LYPD2: variants seen among roughly 807,000 people sequenced by gnomAD.
LYPD2 encodes LY6/PLAUR domain containing 2, also known as ly6/PLAUR domain-containing protein 2.
In LYPD2, 5 loss-of-function variants were observed where a neutral mutation model predicts 7.1. The ratio of observed to expected loss-of-function variants is 0.70; its 90% confidence interval spans 0.37 to 1.48. The LOEUF (loss-of-function observed/expected upper bound fraction) is 1.48. LYPD2 is among the 40% of genes most tolerant of loss of function. The pLI is 0.03. For missense variants in LYPD2, 177 were observed against 171.0 expected, an observed-to-expected ratio of 1.04 and a Z score of -0.20; for synonymous variants, 78 against 82.0, an observed-to-expected ratio of 0.95 and a Z score of 0.26.
Position 142,750,157 on chromosome 8 carries a change from C to T in LYPD2, c.*126G>A, listed in dbSNP as rs908700798. The T allele has an allele frequency of 7.4e-5, 57 of 767,856 alleles. No individual in the cohort carries two copies. The African/African-American group carries it at 7.8e-4, about 10-fold the overall frequency. The allele number at this position is 767,856 out of a possible 1,614,324, so 47.6% of individuals were successfully genotyped here. On this transcript the variant is annotated 3_prime_UTR_variant, in exon 3 of 3. Transcript: ENST00000359228. Reference sequence around the variant, plus strand: ...AGACACACAGGAACGGGGACATCGACGAGGTCAGAGATGCAGCAGGGCAGG... The same window carrying T: ...AGACACACAGGAACGGGGACATCGATGAGGTCAGAGATGCAGCAGGGCAGG...
chr8:142,750,991 C>T lies in LYPD2; in HGVS notation c.178+60G>A. ...CCTATCTCCTGGGAGTAGAGTGTGA[C>T]TGGGCTGGAGGTGGCTCTGACCGGG... On this transcript the variant is annotated intron_variant, in intron 2 of 2. Coordinates refer to ENST00000359228, the MANE Select transcript of LYPD2 (RefSeq NM_205545.3). 2.5e-6 allele frequency: 4 copies of T among 1,607,680 alleles called. No individual in the cohort carries two copies. In the Admixed American group the frequency reaches 5.0e-5, roughly 20 times the overall value.
chr8:142,750,495 G>A lies in LYPD2; in HGVS notation c.179-13C>T, dbSNP rs201101335. 719 of 1,568,692 alleles carry A rather than the reference G, an allele frequency of 4.6e-4. 2 individuals are homozygous for A. In the African/African-American group the frequency reaches 8.4e-3, roughly 18 times the overall value. ...TGGAAGGGGTACACTGTGGGGTGTG[G>A]GAAGAGTCAGCCGTCAGGGCTGGTC... On this transcript the variant is annotated splice_polypyrimidine_tract_variant and intron_variant, in intron 2 of 2. Coordinates refer to ENST00000359228, the MANE Select transcript of LYPD2 (RefSeq NM_205545.3).
chr8:142,750,357 C>T lies in LYPD2; in HGVS notation c.304G>A (p.Asp102Asn). The T allele has an allele frequency of 6.4e-7, 1 of 1,562,422 alleles. No homozygotes were observed. Among genetic ancestry groups the T allele is most frequent in the Non-Finnish European group, 8.7e-7 (1 of 1,153,340 alleles). Residue 102 changes from aspartate to asparagine, a missense_variant, in exon 3 of 3, where the codon GAC becomes AAC. Asp to Asn is a conservative substitution (Grantham distance 23). Coordinates refer to ENST00000359228, the MANE Select transcript of LYPD2 (RefSeq NM_205545.3). The part of the protein sequence containing the change: ...SCCNTELCNV[D>N]GAPALNSLHC... ...AGGCTGTTCAGAGCGGGCGCCCCGT[C>T]TACATTGCACAGCTCAGTATTGCAG...
In LYPD2 at chr8:142,750,275, C is replaced by CCGCTTGGGGCCTGGGGGGGGGGG; in HGVS notation, c.*7_*8insCCCCCCCCCCCAGGCCCCAAGCG. 7.3e-7 allele frequency: 1 copy of CCGCTTGGGGCCTGGGGGGGGGGG among 1,378,810 alleles called. No homozygotes were observed. Among genetic ancestry groups the CCGCTTGGGGCCTGGGGGGGGGGG allele is most frequent in the Non-Finnish European group, 9.8e-7 (1 of 1,024,380 alleles). The allele number at this position is 1,378,810 out of a possible 1,614,324, so 85.4% of individuals were successfully genotyped here. A position where few individuals can be genotyped will look rare whatever the true frequency, so the allele number is the denominator to read the frequency against. Reference sequence around the variant, plus strand: ...GGCCGCATAGGGCCATGGGGGTGGGCGGGGACTCTACAGTCGGAGGCTCAA... The same window carrying CCGCTTGGGGCCTGGGGGGGGGGG: ...GGCCGCATAGGGCCATGGGGGTGGGCCGCTTGGGGCCTGGGGGGGGGGGGGGGACTCTACAGTCGGAGGCTCAA... On this transcript the variant is annotated 3_prime_UTR_variant, in exon 3 of 3. Transcript: ENST00000359228.
intron 1 of LYPD2, among the ~76,000 whole-genome samples, chr8:142,751,629 C>T (rs587694618): frequency 6.6e-6 from 1 of 152,316 alleles, no homozygotes; most frequent in Non-Finnish European, 1.5e-5. Context: ...GTGTGCCAGG[C>T]TGCATCCGGG....
At position 142,750,465 on chromosome 8, in the gene LYPD2, C is replaced by A; in HGVS notation, c.196G>T (p.Asp66Tyr). The A allele has an allele frequency of 6.3e-7, 1 of 1,585,758 alleles. No homozygotes were observed. Among genetic ancestry groups the A allele is most frequent in the South Asian group, 1.2e-5 (1 of 86,636 alleles). The change falls in exon 3 of 3, where the codon GAC (aspartate) becomes TAC (tyrosine). Residue 66 changes from aspartate (D) to tyrosine (Y), a missense_variant. Physicochemically the swap from Asp to Tyr is radical, Grantham distance 160 (BLOSUM62 -3). Coordinates refer to ENST00000359228, the MANE Select transcript of LYPD2 (RefSeq NM_205545.3). ...SREIVYPFQG[D>Y]STVTKSCASK... ...GCACAGGACTTGGTCACCGTGGAGTCCCCCTGGAAGGGGTACACTGTGGGG... is the reference window on the plus strand; with the variant it reads ...GCACAGGACTTGGTCACCGTGGAGTACCCCTGGAAGGGGTACACTGTGGGG...
At position 142,750,587 on chromosome 8, in the gene LYPD2, CG is replaced by C. The variant is rs1053086841; in HGVS notation, c.179-106del. On this transcript the variant is annotated intron_variant, in intron 2 of 2. Coordinates refer to ENST00000359228, the MANE Select transcript of LYPD2 (RefSeq NM_205545.3). The stretch of plus-strand genomic sequence containing the variant: ...AGGCCCCACTCTGGGGTCACCCACC[CG>C]GGTCTCCGTCCCTCCTGGCCCAGTG... The C allele has an allele frequency of 2.7e-6, 3 of 1,125,174 alleles. No homozygotes were observed. In the African/African-American group the frequency reaches 4.6e-5, roughly 17 times the overall value. 69.7% of individuals were successfully genotyped at this position (1,125,174 alleles called of 1,614,324 possible). A position where few individuals can be genotyped will look rare whatever the true frequency, so the allele number is the denominator to read the frequency against.
At chr8:142,751,494 G>A (rs375089043) in intron 1 of LYPD2, among the ~76,000 whole-genome samples, 1 of 152,182 alleles carries the variant, frequency 6.6e-6, no homozygotes, top group Non-Finnish European at 1.5e-5. Flanking sequence ...ATAGCAAGAG[G>A]CACCTCGGGC....
intron 1 of LYPD2, 117 bp from the exon 2 acceptor site, chr8:142,751,287 CTA>C: frequency 1.4e-6 from 2 of 1,392,680 alleles, no homozygotes; most frequent in Non-Finnish European, 1.9e-6. Context: ...GTAGAGATGC[CTA>C]CCAGCCAAAA....
chr8:142,751,306 A>C, intron 1 of LYPD2, 136 bp from the exon 2 acceptor site: 1 of 1,224,270 alleles, frequency 8.2e-7, no homozygotes, highest in Non-Finnish European at 1.1e-6. Flanking sequence ...AAAACTCAGG[A>C]GCAATGCCAG....
intron 1 of LYPD2, 133 bp downstream of exon 1, chr8:142,752,261 C>A (rs1348025439): frequency 4.2e-6 from 4 of 943,176 alleles, no homozygotes; most frequent in Non-Finnish European, 6.3e-6. Context: ...GGGGGGGCCA[C>A]ACCCCCGGCC....
chr8:142,750,554 C>G, intron 2 of LYPD2, 72 bp from the exon 3 acceptor site: 1 of 1,441,382 alleles, frequency 6.9e-7, no homozygotes, highest in Non-Finnish European at 9.5e-7. Context: ...GCCAGTACCA[C>G]CTCATGCAGG....
rs1407762504 is a variant in LYPD2, at chr8:142,750,394, C to T, written c.267G>A (p.Leu89=). The part of the protein sequence containing the change: ...PSDVDGIGQT[L]PVSCCNTELC... The stretch of plus-strand genomic sequence containing the variant: ...GCTCAGTATTGCAGCAGGACACGGG[C>T]AGGGTCTGGCCGATGCCATCCACAT... The change falls in exon 3 of 3, where the codon CTG becomes CTA. Residue 89 remains leucine (L), a synonymous_variant. Transcript: ENST00000359228. 6.3e-7 allele frequency: 1 copy of T among 1,578,562 alleles called. No homozygotes were observed. Among genetic ancestry groups the T allele is most frequent in the African/African-American group, 1.3e-5 (1 of 74,278 alleles).
chr8:142,750,312 G>A lies in LYPD2; in HGVS notation c.349C>T (p.Leu117Phe). ...LNSLHCGALTLLPLLSLRL is the reference protein window; with the variant it reads ...LNSLHCGALTFLPLLSLRL ...AGTCGGAGGCTCAAGAGTGGGAGGA[G>A]CGTGAGGGCCCCGCAGTGGAGGCTG... The change falls in exon 3 of 3, where the codon CTC (leucine) becomes TTC (phenylalanine). Residue 117 changes from leucine (L) to phenylalanine (F), a missense_variant. Physicochemically the swap from Leu to Phe is conservative, Grantham distance 22. Coordinates refer to ENST00000359228, the MANE Select transcript of LYPD2 (RefSeq NM_205545.3). 6.4e-7 allele frequency: 1 copy of A among 1,553,256 alleles called. No individual in the cohort carries two copies.
rs1232541715 is a variant in LYPD2 at position 142,750,452 on chromosome 8, G to A, written c.209C>T (p.Thr70Ile). 1 of 1,589,380 alleles carries A rather than the reference G, an allele frequency of 6.3e-7. No homozygotes were observed. Among genetic ancestry groups the A allele is most frequent in the East Asian group, 2.3e-5 (1 of 43,590 alleles). ...VYPFQGDSTV[T>I]KSCASKCKPS... ...CTTACACTTGCTGGCACAGGACTTG[G>A]TCACCGTGGAGTCCCCCTGGAAGGG... Residue 70 changes from threonine to isoleucine, a missense_variant, in exon 3 of 3, where the codon ACC (threonine) becomes ATC (isoleucine). By Grantham distance (89) the Thr-to-Ile change is moderately conservative. Transcript: ENST00000359228.
At position 142,752,428 on chromosome 8, in the gene LYPD2, G is replaced by A. The variant is rs1357042440; in HGVS notation, c.24C>T (p.Leu8=). The change falls in exon 1 of 3, where the codon CTC becomes CTT. Residue 8 remains leucine, a synonymous_variant. Coordinates refer to ENST00000359228, the MANE Select transcript of LYPD2 (RefSeq NM_205545.3). ...CGCAGGCAGCCAGCACCAGCGCCAG[G>A]AGCGCCAGCCGCGTCCCCCGCATGG... The part of the protein sequence containing the change: MRGTRLA[L]LALVLAACGE... The A allele has an allele frequency of 6.2e-7, 1 of 1,613,384 alleles. No individual in the cohort carries two copies. Among genetic ancestry groups the A allele is most frequent in the Non-Finnish European group, 8.5e-7 (1 of 1,179,792 alleles).
In LYPD2 at chr8:142,750,212, CTGG is replaced by C; in HGVS notation, c.*68_*70del. Reference sequence around the variant, plus strand: ...TGCCCAGAAAGGAGACTCAGGAGTCCTGGTGCAGGGGGCACTTCTTCAAGGCAT... The same window carrying C: ...TGCCCAGAAAGGAGACTCAGGAGTCCTGCAGGGGGCACTTCTTCAAGGCAT... On this transcript the variant is annotated 3_prime_UTR_variant, in exon 3 of 3. Coordinates refer to ENST00000359228, the MANE Select transcript of LYPD2 (RefSeq NM_205545.3). 7.3e-7 allele frequency: 1 copy of C among 1,364,330 alleles called. No individual in the cohort carries two copies. Among genetic ancestry groups the C allele is most frequent in the Non-Finnish European group, 1.0e-6 (1 of 991,958 alleles). 84.5% of individuals were successfully genotyped at this position (1,364,330 alleles called of 1,614,324 possible). A position where few individuals can be genotyped will look rare whatever the true frequency, so the allele number is the denominator to read the frequency against.
chr8:142,751,002 G>A, intron 2 of LYPD2, 49 bp downstream of exon 2: 2 of 1,612,512 alleles, frequency 1.2e-6, no homozygotes, highest in Non-Finnish European at 1.7e-6. Flanking sequence ...TGGGCTGGAG[G>A]TGGCTCTGAC....
chr8:142,751,543 C>A (rs976212186), intron 1 of LYPD2, among the ~76,000 whole-genome samples: 3 of 152,172 alleles, frequency 2.0e-5, no homozygotes, highest in African/African-American at 7.2e-5. Flanking sequence ...GGGCAGGTTA[C>A]CCCCTCAGTT....
Sources: allele counts gnomAD v4.1 joint callset (sites outside exome capture counted in the v4.1 genomes callset), GRCh38; gene constraint gnomAD v4.1.1; transcripts MANE v1.5; gene names NCBI Gene and HGNC (gene_info 2026-07-23, HGNC 2026-07-21).